The following MEF2C variants were observed in gnomAD, a reference collection of about 807,000 sequenced individuals.
MEF2C encodes the protein myocyte enhancer factor 2C, also known as myocyte-specific enhancer factor 2C.
Under a neutral mutation model 50.5 loss-of-function variants are expected in MEF2C, and 6 were observed. The ratio of observed to expected loss-of-function variants is 0.12; its 90% CI spans 0.07 to 0.23. MEF2C has a LOEUF of 0.23. MEF2C is among the 10% of genes least tolerant of loss of function. The pLI, the probability that MEF2C is intolerant of heterozygous loss-of-function variation, is 1.00. For synonymous variants in MEF2C, 183 were observed against 228.0 expected, an observed-to-expected ratio of 0.80 and a Z score of 1.78; for missense variants, 276 against 605.0, an observed-to-expected ratio of 0.46 and a Z score of 5.70.
intron 3 of MEF2C, among the ~76,000 whole-genome samples, chr5:88,793,034 TAC>T (rs1794486027): frequency 6.6e-6 from 1 of 152,182 alleles, no homozygotes; most frequent in Admixed American, 6.6e-5. Context: ...GCAAAACGTG[TAC>T]AGTCCCTTGC....
intron 1 of MEF2C, among the ~76,000 whole-genome samples, chr5:88,850,555 G>A (rs1056019976): frequency 6.6e-6 from 1 of 152,032 alleles, no homozygotes; most frequent in Non-Finnish European, 1.5e-5. Flanking sequence ...GGGTATGGAG[G>A]ATTCAGAGTT....
At chr5:88,832,120 C>T (rs868623143) in intron 1 of MEF2C, among the ~76,000 whole-genome samples, 14 of 152,232 alleles carry the variant, frequency 9.2e-5, no homozygotes, top group Middle Eastern at 6.8e-3. Flanking sequence ...ACCAAAGTAT[C>T]ACATAGGACT....
At chr5:88,869,890 A>T (rs1828988579) in intron 1 of MEF2C, among the ~76,000 whole-genome samples, 1 of 151,076 alleles carries the variant, frequency 6.6e-6, no homozygotes, top group Admixed American at 6.6e-5. Flanking sequence ...TGGGCTAAGA[A>T]AGTTTTGGTA....
In MEF2C at chr5:88,728,580, G is replaced by A; in HGVS notation, c.1013C>T (p.Thr338Ile). ...ADLSSLSGFN[T>I]ASALHLGSVT... Reference sequence around the variant, plus strand: ...TGAACCAAGGTGAAGAGCGCTGGCGGTGTTAAACCCAGACAGAGATGACAG... The same window carrying A: ...TGAACCAAGGTGAAGAGCGCTGGCGATGTTAAACCCAGACAGAGATGACAG... Residue 338 changes from threonine to isoleucine, a missense_variant, in exon 10 of 11, where the codon ACC becomes ATC. Physicochemically the swap from Thr to Ile is moderately conservative, Grantham distance 89. Coordinates refer to ENST00000504921, the MANE Select transcript of MEF2C (RefSeq NM_002397.5). 2 of 1,531,796 alleles carry A rather than the reference G, an allele frequency of 1.3e-6. No homozygotes were observed. The highest frequency in any genetic ancestry group is 1.3e-5 in the South Asian group (1 of 79,982). The allele number at this position is 1,531,796 out of a possible 1,614,324, so 94.9% of individuals were successfully genotyped here. A position where few individuals can be genotyped will look rare whatever the true frequency, so the allele number is the denominator to read the frequency against.
At chr5:88,829,666 T>C (rs1485203075) in intron 1 of MEF2C, among the ~76,000 whole-genome samples, 1 of 152,060 alleles carries the variant, frequency 6.6e-6, no homozygotes, top group African/African-American at 2.4e-5. Flanking sequence ...TACTTCGCCA[T>C]ATTTACATAG....
At chr5:88,816,097 A>C (rs1408437931) in intron 2 of MEF2C, among the ~76,000 whole-genome samples, 1 of 152,078 alleles carries the variant, frequency 6.6e-6, no homozygotes, top group Non-Finnish European at 1.5e-5. Context: ...ACTGGAAACA[A>C]TAAAAACCCT....
At chr5:88,790,109 T>A (rs1793010455) in intron 3 of MEF2C, among the ~76,000 whole-genome samples, 1 of 152,132 alleles carries the variant, frequency 6.6e-6, no homozygotes, top group African/African-American at 2.4e-5. Flanking sequence ...AGGAGTGAAA[T>A]GTGCCAGAGT....
intron 2 of MEF2C, among the ~76,000 whole-genome samples, chr5:88,805,651 T>C (rs973956113): frequency 6.6e-6 from 1 of 152,048 alleles, no homozygotes; most frequent in African/African-American, 2.4e-5. Flanking sequence ...CTTCCTACTG[T>C]CTTTTTCCTG....
chr5:88,728,098 T>C (rs1759716801), intron 10 of MEF2C, among the ~76,000 whole-genome samples: 1 of 152,042 alleles, frequency 6.6e-6, no homozygotes, highest in Non-Finnish European at 1.5e-5. Context: ...TGTTCCTATG[T>C]GTATTAGGTT....
chr5:88,812,436 A>G (rs1165257720), intron 2 of MEF2C, among the ~76,000 whole-genome samples: 1 of 152,052 alleles, frequency 6.6e-6, no homozygotes, highest in African/African-American at 2.4e-5. Context: ...TACTTGTTTT[A>G]TTTTATTTTT....
Position 88,746,551 on chromosome 5 carries a change from T to G in MEF2C, c.637+2519A>C. On this transcript the variant is annotated intron_variant, in intron 6 of 10. Coordinates refer to ENST00000504921, the MANE Select transcript of MEF2C (RefSeq NM_002397.5). ...CACTTGGCCTCAAGAGTTTCAAACT[T>G]TATCTGAAACCTTGAATTTCAATGA... is the stretch of plus-strand genomic sequence containing the variant. The G allele has an allele frequency of 3.0e-6, 3 of 985,302 alleles. 1 individual carries two copies. The highest frequency in any genetic ancestry group is 1.2e-6 in the Non-Finnish European group (1 of 829,846). The allele number at this position is 985,302 out of a possible 1,614,324, so 61.0% of individuals were successfully genotyped here.
At chr5:88,867,254 C>T (rs559499486) in intron 1 of MEF2C, among the ~76,000 whole-genome samples, 1 of 152,192 alleles carries the variant, frequency 6.6e-6, no homozygotes, top group South Asian at 2.1e-4. Context: ...AAATATTTTT[C>T]CCTAAGATGC....
intron 1 of MEF2C, among the ~76,000 whole-genome samples, chr5:88,854,055 T>C (rs1348895550): frequency 6.6e-6 from 1 of 152,200 alleles, no homozygotes; most frequent in African/African-American, 2.4e-5. Flanking sequence ...GGTGGAAGCA[T>C]TCTTTATCTA....
chr5:88,799,913 C>CACACACAG (rs1266169497), intron 3 of MEF2C, among the ~76,000 whole-genome samples: 124 of 63,664 alleles, frequency 1.9e-3, no homozygotes, highest in African/African-American at 5.6e-3. Context: ...CACACACACA[C>CACACACAG]AGAGAGAGAG....
chr5:88,894,560 A>G (rs1010982227), intron 1 of MEF2C, among the ~76,000 whole-genome samples: 1 of 152,230 alleles, frequency 6.6e-6, no homozygotes, highest in African/African-American at 2.4e-5. Context: ...GCAAATCCTT[A>G]TCATTAAGGA....
chr5:88,879,504 T>C (rs886420360), intron 1 of MEF2C, among the ~76,000 whole-genome samples: 1 of 151,970 alleles, frequency 6.6e-6, no homozygotes, highest in African/African-American at 2.4e-5. Context: ...AATAACATAA[T>C]GGATATTGAC....
chr5:88,828,299 G>A (rs1000398582), intron 1 of MEF2C, among the ~76,000 whole-genome samples: 2 of 151,936 alleles, frequency 1.3e-5, no homozygotes, highest in African/African-American at 4.8e-5. Flanking sequence ...TGCAAAGCAT[G>A]TATTTTTCTG....
At chr5:88,785,609 AGTTTT>A (rs1341708707) in intron 3 of MEF2C, 2 of 152,186 alleles carry the variant, frequency 1.3e-5, no homozygotes, top group African/African-American at 4.8e-5. Context: ...AACTCCTTAA[AGTTTT>A]GAGTTTAATT....
At chr5:88,757,477 C>A (rs1482953417) in intron 4 of MEF2C, among the ~76,000 whole-genome samples, 3 of 152,026 alleles carry the variant, frequency 2.0e-5, no homozygotes, top group Non-Finnish European at 4.4e-5. Flanking sequence ...ATCTAAATTC[C>A]CTCAAGGCTG....
Sources: allele counts gnomAD v4.1 joint callset (sites outside exome capture counted in the v4.1 genomes callset), GRCh38; gene constraint gnomAD v4.1.1; transcripts MANE v1.5; gene names NCBI Gene and HGNC (gene_info 2026-07-23, HGNC 2026-07-21).